Variants in UPF3B observed in about 807,000 individuals in gnomAD.
UPF3B encodes the protein regulator of nonsense transcripts 3B.
Under a neutral mutation model 40.3 loss-of-function variants are expected in UPF3B, and 7 were observed. The observed-to-expected ratio is 0.17, with a 90% CI of 0.10 to 0.33. The LOEUF (loss-of-function observed/expected upper bound fraction) is 0.33. UPF3B is among the 10% of genes least tolerant of loss of function. The pLI is 1.00. For missense variants in UPF3B, 229 were observed against 358.9 expected (o/e 0.64, Z 2.93); for synonymous variants, 117 against 117.3 (o/e 1.00, Z 0.01).
chrX:119,837,658 C>T, intron 10 of UPF3B, 99 bp downstream of exon 10: 1 of 919,231 alleles, frequency 1.1e-6, no homozygotes, highest in Non-Finnish European at 1.5e-6. Context: ...TAAAGTTCCC[C>T]TTTAAAAATT....
At chrX:119,831,811 C>T, downstream of UPF3B, 9 of 517,408 alleles carry the variant, frequency 1.7e-5, no homozygotes, top group Non-Finnish European at 1.9e-5. Context: ...TAAGCTTTTA[C>T]ATGGGATTTT....
At position 119,842,605 on chromosome X, in the gene UPF3B, T is replaced by TACACACATACAC; in HGVS notation, c.580+585_580+586insGTGTATGTGTGT. Among the ~76,000 whole-genome samples, 3 of 91,400 alleles carry TACACACATACAC rather than the reference T, an allele frequency of 3.3e-5. 1 individual carries two copies. The Middle Eastern group carries it at 0.016, about 499-fold the overall frequency. The allele number at this position is 91,400 out of a possible 115,157, so 79.4% of individuals were successfully genotyped here. A position where few individuals can be genotyped will look rare whatever the true frequency, so the allele number is the denominator to read the frequency against. On this transcript the variant is annotated intron_variant, in intron 5 of 10. Coordinates refer to ENST00000276201, the MANE Select transcript of UPF3B (RefSeq NM_080632.3). The stretch of plus-strand genomic sequence containing the variant: ...TCACACACACACACACACACACACA[T>TACACACATACAC]ACACACACACACACACACACACACA...
At position 119,817,384 on chromosome X, in the gene UPF3B, G is replaced by A. The variant is rs559502988; in HGVS notation, c.495-2077C>T. Among the ~76,000 whole-genome samples the A allele has an allele frequency of 8.9e-5, 10 of 111,812 alleles. No individual in the cohort carries two copies. In the South Asian group the frequency reaches 2.2e-3, roughly 25 times the overall value. ...TGGCAGCAGACTAGAGGTGAAGTGC[G>A]AGCATAGGAAAAACTGCCTTGTTTA... On this transcript the variant is annotated intron_variant, in intron 4 of 6. Coordinates refer to the UPF3B transcript ENST00000636792.
At chrX:119,837,154 A>G (rs1474433268) in intron 10 of UPF3B, among the ~76,000 whole-genome samples, 1 of 105,774 alleles carries the variant, frequency 9.5e-6, no homozygotes, top group Non-Finnish European at 1.9e-5. Flanking sequence ...CATGTTGGCC[A>G]GGCTGGTCTA....
At chrX:119,815,987 G>T (rs1482260873) in intron 4 of UPF3B, among the ~76,000 whole-genome samples, 1 of 111,341 alleles carries the variant, frequency 9.0e-6, no homozygotes, top group East Asian at 2.8e-4. Context: ...TCACCACGTA[G>T]GCCAGGTTCA....
intron 3 of UPF3B, among the ~76,000 whole-genome samples, chrX:119,851,020 G>A (rs1438345927): frequency 8.9e-6 from 1 of 112,374 alleles, no homozygotes; most frequent in Non-Finnish European, 1.9e-5. Context: ...GATAACAGGC[G>A]TGAGCCACCA....
At chrX:119,807,164 T>G (rs765742164) in intron 6 of UPF3B, among the ~76,000 whole-genome samples, 6 of 111,630 alleles carry the variant, frequency 5.4e-5, no homozygotes, top group African/African-American at 9.7e-5. Flanking sequence ...GACATTTCCC[T>G]GCAAATTGCA....
At chrX:119,827,234 A>T (rs2055987730) in intron 3 of UPF3B, among the ~76,000 whole-genome samples, 1 of 111,480 alleles carries the variant, frequency 9.0e-6, no homozygotes, top group Non-Finnish European at 1.9e-5. Context: ...AAATAATGTA[A>T]AAAAGATCTC....
intron 3 of UPF3B, among the ~76,000 whole-genome samples, chrX:119,846,034 T>C (rs2056225937): frequency 9.6e-6 from 1 of 104,176 alleles, no homozygotes; most frequent in Non-Finnish European, 1.9e-5. Context: ...TGTATACATA[T>C]ATAAAATTAT....
rs1237919242 is a variant in UPF3B, at chrX:119,852,950, G to C, written c.-22C>G. On this transcript the variant is annotated 5_prime_UTR_variant, in exon 1 of 11. Coordinates refer to ENST00000276201, the MANE Select transcript of UPF3B (RefSeq NM_080632.3). ...TCATGGCTACGTCCCCCGCTGAAGC[G>C]GCTTGGCCGGAACGGGGTTACCCCG... The C allele has an allele frequency of 8.3e-7, 1 of 1,211,933 alleles. No homozygotes were observed. Among genetic ancestry groups the C allele is most frequent in the East Asian group, 3.0e-5 (1 of 33,848 alleles).
At chrX:119,813,721 C>T (rs774942195) in intron 5 of UPF3B, among the ~76,000 whole-genome samples, 4 of 109,244 alleles carry the variant, frequency 3.7e-5, no homozygotes, top group South Asian at 4.0e-4. Context: ...GCCACCATGC[C>T]CGGTTAATTT....
At chrX:119,844,019 T>C (rs778731811) in intron 4 of UPF3B, among the ~76,000 whole-genome samples, 7 of 111,767 alleles carry the variant, frequency 6.3e-5, no homozygotes, top group Non-Finnish European at 1.1e-4. Context: ...AAATGGCAAT[T>C]ATTTTGGTTT....
At chrX:119,829,082 C>A (rs1016768350), downstream of UPF3B, among the ~76,000 whole-genome samples, 9 of 110,941 alleles carry the variant, frequency 8.1e-5, 1 homozygote, top group African/African-American at 3.0e-4. Flanking sequence ...AGTGCAGTGG[C>A]ACAATCTCGG....
intron 3 of UPF3B, among the ~76,000 whole-genome samples, chrX:119,823,587 A>G (rs1307194603): frequency 1.1e-5 from 1 of 87,983 alleles, no homozygotes; most frequent in Non-Finnish European, 2.2e-5. Context: ...TGTCTGAGAC[A>G]GAGTCTTGCT....
At chrX:119,820,027 TAGA>T (rs985966110) in intron 4 of UPF3B, among the ~76,000 whole-genome samples, 19 of 111,347 alleles carry the variant, frequency 1.7e-4, no homozygotes, top group Non-Finnish European at 3.2e-4. Flanking sequence ...GTATTTTTAG[TAGA>T]GACTGGGTTT....
In UPF3B at chrX:119,837,923, C is replaced by A; in HGVS notation, c.1136G>T (p.Arg379Leu). The change falls in exon 10 of 11, where the codon CGC becomes CTC. Residue 379 changes from arginine to leucine, a missense_variant. Arg to Leu is a moderately radical substitution (Grantham distance 102). Around this residue, in one of 3 missense-constraint regions of UPF3B, gnomAD observed 119 missense variants for 153.8 expected, o/e 0.77. Coordinates refer to ENST00000276201, the MANE Select transcript of UPF3B (RefSeq NM_080632.3). ...QEEERRRQKE[R>L]YEKEKTFKRK... Reference sequence around the variant, plus strand: ...CTTAAAAGTCTTCTCTTTCTCATAGCGCTCCTTCTGCCTACGGCGCTCTTC... The same window carrying A: ...CTTAAAAGTCTTCTCTTTCTCATAGAGCTCCTTCTGCCTACGGCGCTCTTC... 2 of 1,210,739 alleles carry A rather than the reference C, an allele frequency of 1.7e-6. No individual in the cohort carries two copies. Among genetic ancestry groups the A allele is most frequent in the Non-Finnish European group, 2.2e-6 (2 of 895,439 alleles).
At chrX:119,816,771 G>A (rs1390721607) in intron 4 of UPF3B, among the ~76,000 whole-genome samples, 1 of 111,165 alleles carries the variant, frequency 9.0e-6, no homozygotes, top group Admixed American at 9.6e-5. Context: ...ATTCATCCTT[G>A]TAGAGCTTAC....
chrX:119,841,903 C>G (rs2056165119), intron 5 of UPF3B, 125 bp from the exon 6 acceptor site: 1 of 515,424 alleles, frequency 1.9e-6, no homozygotes, highest in Admixed American at 3.1e-5. Flanking sequence ...AGAAAGATCA[C>G]AATTGTAATA....
chrX:119,846,525 GAAAAAGA>G lies in UPF3B; in HGVS notation c.371-1236_371-1230del, dbSNP rs1457961274. On this transcript the variant is annotated intron_variant, in intron 3 of 10. Transcript: ENST00000276201. ...CCTGGTAAAAAAAAAAAAAAAAAAA[GAAAAAGA>G]AAAAAGAAAAAACAATTATTACATA... Among the ~76,000 whole-genome samples, 7 of 86,915 alleles carry G rather than the reference GAAAAAGA, an allele frequency of 8.1e-5. No homozygotes were observed. The Admixed American group carries it at 8.9e-4, about 11-fold the overall frequency. 75.5% of individuals were successfully genotyped at this position (86,915 alleles called of 115,157 possible).
Sources: gnomAD v4.1 joint callset for allele counts (sites outside exome capture counted in the v4.1 genomes callset) on GRCh38, gnomAD v4.1.1 for gene constraint, gnomAD v4.1.1 regional missense constraint, MANE v1.5 for transcripts, NCBI Gene and HGNC (gene_info 2026-07-23, HGNC 2026-07-21) for gene names.